The following PIGL variants were observed in gnomAD, a reference collection of about 807,000 sequenced individuals.
PIGL encodes the protein phosphatidylinositol glycan anchor biosynthesis class L.
In PIGL, 22 loss-of-function variants were observed where a neutral mutation model predicts 31.1. That is an observed-to-expected ratio of 0.71 (90% CI 0.51 to 1.01). The LOEUF is 1.01. PIGL is among the 50% of genes least tolerant of loss of function. PIGL has a pLI of 0.00. For synonymous variants in PIGL, 131 were observed against 117.4 expected (o/e 1.12, Z -0.75); for missense variants, 302 against 315.9 (o/e 0.96, Z 0.33).
rs543803625 is a variant in PIGL, at chr17:16,257,904, A to C, written c.335+23834A>C. Among the ~76,000 whole-genome samples the C allele has an allele frequency of 2.0e-4, 30 of 151,894 alleles. 1 individual carries two copies. The highest frequency in any genetic ancestry group is 7.0e-4 in the African/African-American group (29 of 41,474). On this transcript the variant is annotated intron_variant, in intron 2 of 6. Coordinates refer to ENST00000225609, the MANE Select transcript of PIGL (RefSeq NM_004278.4). ...ACATGGTGAAACCCCATCTCTACTA[A>C]AAATACAAATTAACTGGGTGTTGTG... is the stretch of plus-strand genomic sequence containing the variant.
chr17:16,305,009 G>A (rs936922583), intron 3 of PIGL, among the ~76,000 whole-genome samples: 2 of 152,086 alleles, frequency 1.3e-5, no homozygotes, highest in Non-Finnish European at 2.9e-5. Context: ...TCTCTAGGCC[G>A]CAAGCAGTGG....
intron 2 of PIGL, among the ~76,000 whole-genome samples, chr17:16,283,128 G>A (rs538783929): frequency 2.0e-4 from 31 of 151,948 alleles, no homozygotes; most frequent in East Asian, 1.4e-3. Context: ...TCAGCCTCCC[G>A]AGTAGCTGGG....
At chr17:16,246,284 C>CCG in intron 2 of PIGL, among the ~76,000 whole-genome samples, 1 of 151,462 alleles carries the variant, frequency 6.6e-6, no homozygotes, top group African/African-American at 2.4e-5. Context: ...CTTTGGGAGG[C>CCG]AGGTGGATCA....
At chr17:16,320,640 C>T (rs1412297449) in intron 6 of PIGL, among the ~76,000 whole-genome samples, 1 of 152,014 alleles carries the variant, frequency 6.6e-6, no homozygotes, top group African/African-American at 2.4e-5. Flanking sequence ...GCTTTATTTT[C>T]TAAATTTTCT....
chr17:16,263,181 G>T (rs1396252241), intron 2 of PIGL, among the ~76,000 whole-genome samples: 2 of 151,762 alleles, frequency 1.3e-5, no homozygotes, highest in African/African-American at 4.8e-5. Flanking sequence ...AAATTGAATT[G>T]TACAGTTTCT....
intron 1 of PIGL, among the ~76,000 whole-genome samples, chr17:16,229,609 C>T (rs77906770): frequency 2.3e-3 from 339 of 150,568 alleles, no homozygotes; most frequent in Non-Finnish European, 4.1e-3. Flanking sequence ...CAGCAATGAA[C>T]TATGGTTCCA....
chr17:16,249,270 G>A (rs901591372), intron 2 of PIGL, among the ~76,000 whole-genome samples: 5 of 152,212 alleles, frequency 3.3e-5, no homozygotes, highest in Non-Finnish European at 7.3e-5. Context: ...CCTGAGGTCA[G>A]GAGTTCAAGA....
At chr17:16,247,294 G>A (rs952723471) in intron 2 of PIGL, among the ~76,000 whole-genome samples, 1 of 152,116 alleles carries the variant, frequency 6.6e-6, no homozygotes, top group African/African-American at 2.4e-5. Flanking sequence ...CCACATTCAT[G>A]TCCTTATTTC....
At chr17:16,255,689 C>T (rs895860339) in intron 2 of PIGL, among the ~76,000 whole-genome samples, 2 of 152,174 alleles carry the variant, frequency 1.3e-5, no homozygotes, top group Non-Finnish European at 2.9e-5. Context: ...GCTGCCAAAG[C>T]GGATCTGACC....
chr17:16,314,931 A>C (rs1243365395), intron 4 of PIGL, among the ~76,000 whole-genome samples: 2 of 152,174 alleles, frequency 1.3e-5, no homozygotes, highest in African/African-American at 4.8e-5. Context: ...TTCTGGATGC[A>C]CACTGAGCCT....
chr17:16,258,090 AG>A (rs1392908389), intron 2 of PIGL, among the ~76,000 whole-genome samples: 1 of 133,052 alleles, frequency 7.5e-6, no homozygotes, highest in Non-Finnish European at 1.6e-5. Flanking sequence ...AGAGAGAGAG[AG>A]AGAGAGAGAG....
chr17:16,224,548 C>T (rs2092643562), intron 1 of PIGL, among the ~76,000 whole-genome samples: 1 of 152,030 alleles, frequency 6.6e-6, no homozygotes, highest in African/African-American at 2.4e-5. Context: ...CTCAGGTGAT[C>T]CAATCCTTCT....
At chr17:16,316,969 G>A in intron 5 of PIGL, 1 of 1,276,574 alleles carries the variant, frequency 7.8e-7, no homozygotes, top group Non-Finnish European at 1.0e-6. Flanking sequence ...TTTTCACAGG[G>A]TGGATGTTTT....
chr17:16,258,246 C>G (rs2092805297), intron 2 of PIGL, among the ~76,000 whole-genome samples: 1 of 138,690 alleles, frequency 7.2e-6, no homozygotes, highest in South Asian at 2.3e-4. Context: ...GTGGCGTGAT[C>G]TTGGCTCACT....
chr17:16,275,432 G>T (rs7225920), intron 2 of PIGL, among the ~76,000 whole-genome samples: 5 of 151,878 alleles, frequency 3.3e-5, no homozygotes, highest in African/African-American at 1.2e-4. Context: ...TCTTTATGAC[G>T]TGTATTTTGT....
At chr17:16,303,754 G>A (rs867282492) in intron 3 of PIGL, among the ~76,000 whole-genome samples, 20 of 149,336 alleles carry the variant, frequency 1.3e-4, no homozygotes, top group African/African-American at 4.5e-4. Context: ...TTGCTCTGTC[G>A]CCCAGGCTGG....
chr17:16,322,754 T>C (rs538890370), intron 6 of PIGL, among the ~76,000 whole-genome samples: 1 of 152,200 alleles, frequency 6.6e-6, no homozygotes, highest in Non-Finnish European at 1.5e-5. Flanking sequence ...GGGTGAAACA[T>C]GAGTCACTGG....
chr17:16,286,760 T>C (rs571742833), intron 2 of PIGL, among the ~76,000 whole-genome samples: 1 of 152,198 alleles, frequency 6.6e-6, no homozygotes, highest in East Asian at 1.9e-4. Context: ...GCTTCCAAAA[T>C]AGTAGTCTCT....
intron 2 of PIGL, among the ~76,000 whole-genome samples, chr17:16,245,366 AT>A (rs1383702138): frequency 2.6e-5 from 4 of 151,694 alleles, no homozygotes; most frequent in Non-Finnish European, 5.9e-5. Flanking sequence ...AACTCAGATG[AT>A]CCACCTGCCT....
Sources: gnomAD v4.1 joint callset for allele counts (sites outside exome capture counted in the v4.1 genomes callset) on GRCh38, gnomAD v4.1.1 for gene constraint, MANE v1.5 for transcripts, NCBI Gene and HGNC (gene_info 2026-07-23, HGNC 2026-07-21) for gene names.